Variants in OGG1 observed in about 807,000 individuals in gnomAD.
OGG1 encodes the protein 8-oxoguanine DNA glycosylase.
In OGG1, 35 loss-of-function variants were observed where a neutral mutation model predicts 42.3. The ratio of observed to expected loss-of-function variants is 0.83; its 90% CI spans 0.63 to 1.10. The LOEUF is 1.10. OGG1 is among the 50% of genes least tolerant of loss of function. The pLI, the probability that OGG1 is intolerant of heterozygous loss-of-function variation, is 0.00. For synonymous variants in OGG1, 189 were observed against 179.0 expected (o/e 1.06, Z -0.44); for missense variants, 484 against 446.7 (o/e 1.08, Z -0.75).
At chr3:9,788,018 G>C in exon 4 of OGG1, 1 of 294,298 alleles carries the variant, frequency 3.4e-6, no homozygotes. Flanking sequence ...ATATGGCCGA[G>C]GAAAATGGAG....
At chr3:9,760,888 C>G (rs994328444), downstream of OGG1, 2 of 1,424,442 alleles carry the variant, frequency 1.4e-6, no homozygotes, top group African/African-American at 2.8e-5. Flanking sequence ...CCTTTATAAA[C>G]TCTACCAGCC....
At chr3:9,757,853 T>C, downstream of OGG1, 1 of 1,597,048 alleles carries the variant, frequency 6.3e-7, no homozygotes, top group Non-Finnish European at 8.6e-7. This position sits in a 1 kb window ranked among gnomAD's most constrained non-coding sequence, Gnocchi z 4.5. Context: ...CTTGCTGGCA[T>C]TGAAGGCATT....
intron 3 of OGG1, among the ~76,000 whole-genome samples, chr3:9,754,164 G>T (rs1022960150): frequency 2.0e-5 from 3 of 152,154 alleles, no homozygotes; most frequent in African/African-American, 7.2e-5. Flanking sequence ...CACAGGTCTT[G>T]GTGTCCCAGA....
rs2077274741 is a variant in OGG1, at chr3:9,750,995, T to C, written c.188T>C (p.Val63Ala). ...AHWSGVLADQ[V>A]WTLTQTEEQL... ...TGGAGTGGTGTACTAGCGGATCAAG[T>C]ATGGACACTGACTCAGACTGAGGAG... Residue 63 changes from valine to alanine, a missense_variant, in exon 2 of 7, where the codon GTA (valine) becomes GCA (alanine). Val to Ala is a moderately conservative substitution (Grantham distance 64). Transcript: ENST00000344629. 1 of 1,614,050 alleles carries C rather than the reference T, an allele frequency of 6.2e-7. No individual in the cohort carries two copies. The highest frequency in any genetic ancestry group is 2.2e-5 in the East Asian group (1 of 44,880).
downstream of OGG1, chr3:9,759,125 C>G (rs2077725160): frequency 7.3e-7 from 1 of 1,373,464 alleles, no homozygotes; most frequent in Non-Finnish European, 1.0e-6. Context: ...AGCACTTGCA[C>G]TTCCCGGAAT....
chr3:9,789,630 G>T (rs768981526), downstream of OGG1: 11 of 1,613,284 alleles, frequency 6.8e-6, no homozygotes, highest in Non-Finnish European at 9.3e-6. Flanking sequence ...GGGAGAAGCA[G>T]ATCCTGAGTG....
downstream of OGG1, chr3:9,758,984 C>A (rs1406120087): frequency 1.7e-6 from 1 of 583,440 alleles, no homozygotes; most frequent in East Asian, 3.0e-5. Context: ...TGGGGCTCCT[C>A]AGTGCCCTCA....
downstream of OGG1, among the ~76,000 whole-genome samples, chr3:9,766,999 C>G (rs373517670): frequency 1.2e-4 from 18 of 152,304 alleles, no homozygotes; most frequent in South Asian, 1.7e-3. Context: ...CACTCTCCCC[C>G]CAGCCTGTGA....
intron 3 of OGG1, among the ~76,000 whole-genome samples, chr3:9,752,529 C>CAAAAAAAAA (rs144337359): frequency 2.3e-4 from 17 of 75,016 alleles, no homozygotes; most frequent in African/African-American, 5.9e-4. Context: ...GACTCTGTCT[C>CAAAAAAAAA]AAAAAAAAAA....
At chr3:9,786,084 G>A (rs7618535) in intron 3 of OGG1, among the ~76,000 whole-genome samples, 31,656 of 151,944 alleles carry the variant, frequency 0.21, 3,772 homozygotes, top group East Asian at 0.57. Context: ...GACTACAGGC[G>A]CCTGCCACTA....
At position 9,754,708 on chromosome 3, in the gene OGG1, A is replaced by G. The variant is rs1452369671; in HGVS notation, c.570A>G (p.Pro190=). The part of the protein sequence containing the change: ...GFPSLQALAG[P]EVEAHLRKLG... The stretch of plus-strand genomic sequence containing the variant: ...CCTCCTCCTCACTCCCCGCAGGGCC[A>G]GAGGTGGAGGCTCATCTCAGGAAGC... Residue 190 remains proline (P), a synonymous_variant, in exon 4 of 7, where the codon CCA becomes CCG. Transcript: ENST00000344629. 1 of 1,614,106 alleles carries G rather than the reference A, an allele frequency of 6.2e-7. No individual in the cohort carries two copies. The highest frequency in any genetic ancestry group is 1.1e-5 in the South Asian group (1 of 91,040).
intron 2 of OGG1, among the ~76,000 whole-genome samples, chr3:9,777,889 T>A (rs2078384883): frequency 6.6e-6 from 1 of 152,148 alleles, no homozygotes; most frequent in South Asian, 2.1e-4. Context: ...AGAGCTGCCA[T>A]ATATGGCTGC....
intron 2 of OGG1, among the ~76,000 whole-genome samples, chr3:9,778,611 C>G (rs1052229359): frequency 1.3e-5 from 2 of 152,166 alleles, no homozygotes; most frequent in African/African-American, 4.8e-5. Context: ...GGGAGGAGAG[C>G]AGGTCACTGG....
intron 4 of OGG1, among the ~76,000 whole-genome samples, chr3:9,755,504 G>GC (rs1480545793): frequency 8.1e-6 from 1 of 123,484 alleles, no homozygotes. Context: ...TTGCTTTGTT[G>GC]CCAGGCTGGA....
exon 4 of OGG1, chr3:9,788,089 G>A (rs931412525): frequency 2.7e-5 from 6 of 226,222 alleles, no homozygotes; most frequent in East Asian, 1.1e-4. Context: ...TGTAGATAAC[G>A]GGAGGAAGAA....
At chr3:9,779,600 A>G (rs542391756) in intron 2 of OGG1, among the ~76,000 whole-genome samples, 6 of 152,118 alleles carry the variant, frequency 3.9e-5, no homozygotes, top group Non-Finnish European at 8.8e-5. Context: ...GCACATGTAT[A>G]CATATGTAAC....
chr3:9,780,068 G>C (rs761780397), intron 2 of OGG1: 3 of 328,654 alleles, frequency 9.1e-6, no homozygotes, highest in African/African-American at 4.2e-5. Flanking sequence ...GGGGATTAGG[G>C]AGTGGGGGAT....
rs775716996 is a variant in OGG1, at chr3:9,751,211, C to G, written c.385+19C>G. ...TTCCAAGGTGAGTACAGGACCTGGG[C>G]TGGGGTTAGGGTTCTTGGACATAAG... On this transcript the variant is annotated intron_variant, in intron 2 of 6. Transcript: ENST00000344629. 6.2e-7 allele frequency: 1 copy of G among 1,612,624 alleles called. No homozygotes were observed. Among genetic ancestry groups the G allele is most frequent in the South Asian group, 1.1e-5 (1 of 90,660 alleles).
chr3:9,757,075 C>A lies in OGG1; in HGVS notation c.963C>A (p.Ala321=). Residue 321 remains alanine (A), a synonymous_variant, in exon 7 of 7, where the codon GCC becomes GCA. Transcript: ENST00000344629. This position sits in a 1 kb window ranked among gnomAD's most constrained non-coding sequence, Gnocchi z 4.5. ...AGWAQAVLFS[A]DLRQSRHAQE... is the part of the protein sequence containing the mutation. Reference sequence around the variant, plus strand: ...CCCTCCTACAGGTGCTGTTCAGTGCCGACCTGCGCCAATCCCGCCATGCTC... The same window carrying A: ...CCCTCCTACAGGTGCTGTTCAGTGCAGACCTGCGCCAATCCCGCCATGCTC... 1 of 1,614,096 alleles carries A rather than the reference C, an allele frequency of 6.2e-7. No homozygotes were observed. The highest frequency in any genetic ancestry group is 1.1e-5 in the South Asian group (1 of 91,082).
Sources: gnomAD v4.1 joint callset for allele counts (sites outside exome capture counted in the v4.1 genomes callset) on GRCh38, gnomAD v4.1.1 for gene constraint, Gnocchi (gnomAD v3.1) non-coding constraint, MANE v1.5 for transcripts, NCBI Gene and HGNC (gene_info 2026-07-23, HGNC 2026-07-21) for gene names.